Variants in GFRA1 observed in about 807,000 individuals in gnomAD.
The protein encoded by GFRA1 is GDNF family receptor alpha-1.
GFRA1 carries 16 observed loss-of-function variants against 51.6 expected under a neutral mutation model. That is an observed-to-expected ratio of 0.31 (90% CI 0.21 to 0.47). The LOEUF (loss-of-function observed/expected upper bound fraction) is 0.47, where lower values mean the gene tolerates loss of function less well. GFRA1 is among the 20% of genes least tolerant of loss of function. The pLI is 1.00. For missense variants in GFRA1, 530 were observed against 594.3 expected, an observed-to-expected ratio of 0.89 and a Z score of 1.13; for synonymous variants, 270 against 241.3, an observed-to-expected ratio of 1.12 and a Z score of -1.10.
At chr10:116,130,571 GGAAAA>G (rs1298130075) in intron 5 of GFRA1, among the ~76,000 whole-genome samples, 8 of 152,138 alleles carry the variant, frequency 5.3e-5, no homozygotes, top group African/African-American at 1.7e-4. Context: ...ATTGAACAAT[GGAAAA>G]GAAGAGAGAA....
At chr10:116,122,500 G>T (rs1013583518) in intron 6 of GFRA1, among the ~76,000 whole-genome samples, 1 of 152,052 alleles carries the variant, frequency 6.6e-6, no homozygotes, top group South Asian at 2.1e-4. Context: ...TTATCTGCAG[G>T]TTCCTCCCAT....
upstream of GFRA1, chr10:116,273,527 C>A (rs1419258244): frequency 3.3e-5 from 5 of 152,786 alleles, no homozygotes; most frequent in African/African-American, 1.2e-4. Context: ...CCTAAGCTCG[C>A]CCGCCAGGCA....
At position 116,185,470 on chromosome 10, in the gene GFRA1, C is replaced by T. The variant is rs140523680; in HGVS notation, c.433+26161G>A. On this transcript the variant is annotated intron_variant, in intron 5 of 10. Transcript: ENST00000355422. Reference sequence around the variant, plus strand: ...GCGTGTTGCTGCTCAGAGCCTGCACCTGTGGCCCTCAAAGGAGCACCCCTG... The same window carrying T: ...GCGTGTTGCTGCTCAGAGCCTGCACTTGTGGCCCTCAAAGGAGCACCCCTG... Among the ~76,000 whole-genome samples the T allele has an allele frequency of 2.8e-4, 42 of 152,320 alleles. No homozygotes were observed. In the East Asian group the frequency reaches 8.1e-3, roughly 29 times the overall value.
intron 5 of GFRA1, among the ~76,000 whole-genome samples, chr10:116,156,510 C>T (rs941221759): frequency 1.3e-5 from 2 of 152,176 alleles, no homozygotes; most frequent in African/African-American, 2.4e-5. Flanking sequence ...CAACATGGCC[C>T]ATGCAATGTG....
intron 5 of GFRA1, among the ~76,000 whole-genome samples, chr10:116,151,083 C>T (rs1424379458): frequency 6.6e-6 from 1 of 151,832 alleles, no homozygotes; most frequent in Non-Finnish European, 1.5e-5. Context: ...TCTGACTAAA[C>T]TGGGCTCACC....
rs1555158856 is a variant in GFRA1, at chr10:116,148,093, C to CATGG, written c.434-22537_434-22536insCCAT. Reference sequence around the variant, plus strand: ...GTGTGTGCATGTGTGTGTGTGCATGCGTGTGTGCATGCATGGGTGTGTGTG... The same window carrying CATGG: ...GTGTGTGCATGTGTGTGTGTGCATGCATGGGTGTGTGCATGCATGGGTGTGTGTG... On this transcript the variant is annotated intron_variant, in intron 5 of 10. Coordinates refer to ENST00000355422, the MANE Select transcript of GFRA1 (RefSeq NM_005264.8). 4.6e-4 allele frequency among the ~76,000 whole-genome samples: 44 copies of CATGG among 95,372 alleles called. 1 individual carries two copies. The highest frequency in any genetic ancestry group is 1.9e-3 in the African/African-American group (41 of 21,898). The allele number at this position is 95,372 out of a possible 152,430, so 62.6% of individuals were successfully genotyped here. A position where few individuals can be genotyped will look rare whatever the true frequency, so the allele number is the denominator to read the frequency against.
chr10:116,178,961 C>CAGA (rs1172081315), intron 5 of GFRA1, among the ~76,000 whole-genome samples: 7 of 152,216 alleles, frequency 4.6e-5, no homozygotes, highest in Non-Finnish European at 1.0e-4. Context: ...CTGGAGCTCT[C>CAGA]CCCAAGCCAG....
chr10:116,070,799 A>G (rs1220435095), intron 9 of GFRA1, among the ~76,000 whole-genome samples: 2 of 95,724 alleles, frequency 2.1e-5, no homozygotes, highest in Non-Finnish European at 1.9e-5. Context: ...GATTTTGCCT[A>G]TTGACATCTG....
intron 5 of GFRA1, among the ~76,000 whole-genome samples, chr10:116,143,045 C>G (rs1049233882): frequency 2.0e-5 from 3 of 152,158 alleles, no homozygotes; most frequent in African/African-American, 7.2e-5. Flanking sequence ...TGAAAACACT[C>G]CATATTTTGG....
At chr10:116,129,489 AG>A (rs1175344030) in intron 5 of GFRA1, among the ~76,000 whole-genome samples, 1 of 152,182 alleles carries the variant, frequency 6.6e-6, no homozygotes, top group Non-Finnish European at 1.5e-5. Flanking sequence ...GATAGAAAAA[AG>A]TTCAGCAAAT....
Position 116,093,881 on chromosome 10 carries a change from T to C in GFRA1, c.881-45A>G, listed in dbSNP as rs780739949. On this transcript the variant is annotated intron_variant, in intron 7 of 10. Coordinates refer to ENST00000355422, the MANE Select transcript of GFRA1 (RefSeq NM_005264.8). Reference sequence around the variant, plus strand: ...GCATTTTATTGTTGTATGATGATACTTTTCCATGGCCTAAAAAGAAACCAA... The same window carrying C: ...GCATTTTATTGTTGTATGATGATACCTTTCCATGGCCTAAAAAGAAACCAA... 3.8e-6 allele frequency: 6 copies of C among 1,599,072 alleles called. No homozygotes were observed. In the South Asian group the frequency reaches 6.6e-5, roughly 18 times the overall value.
intron 4 of GFRA1, among the ~76,000 whole-genome samples, chr10:116,245,720 G>A (rs1967810519): frequency 6.6e-6 from 1 of 152,048 alleles, no homozygotes; most frequent in Admixed American, 6.6e-5. Flanking sequence ...AACAAAGTGT[G>A]GTCCATCCAT....
intron 9 of GFRA1, among the ~76,000 whole-genome samples, chr10:116,087,471 T>C (rs1353414375): frequency 6.6e-6 from 1 of 152,216 alleles, no homozygotes; most frequent in Non-Finnish European, 1.5e-5. Context: ...ACTTTTGTTT[T>C]TGAATGCCCA....
At chr10:116,189,459 CTT>C (rs1263641105) in intron 5 of GFRA1, among the ~76,000 whole-genome samples, 1 of 152,138 alleles carries the variant, frequency 6.6e-6, no homozygotes, top group Non-Finnish European at 1.5e-5. Flanking sequence ...CTTCTTCCCT[CTT>C]TTTTTGATTC....
intron 8 of GFRA1, among the ~76,000 whole-genome samples, chr10:116,090,577 T>C (rs903589084): frequency 1.3e-5 from 2 of 152,122 alleles, no homozygotes; most frequent in African/African-American, 4.8e-5. Flanking sequence ...AAATGAAAAG[T>C]TTAAAATGTA....
At position 116,186,962 on chromosome 10, in the gene GFRA1, AG is replaced by A. The variant is rs3837367; in HGVS notation, c.433+24668del. The stretch of plus-strand genomic sequence containing the variant: ...AAACTGGAAGGCGACCTGCTCACAC[AG>A]GGTCACGTCTCGGTCCCTTTTTCAA... On this transcript the variant is annotated intron_variant, in intron 5 of 10. Transcript: ENST00000355422. Among the ~76,000 whole-genome samples, 40 of 152,230 alleles carry A rather than the reference AG, an allele frequency of 2.6e-4. 1 individual carries two copies. In the East Asian group the frequency reaches 7.4e-3, roughly 28 times the overall value.
chr10:116,154,144 T>C (rs958866794), intron 5 of GFRA1, among the ~76,000 whole-genome samples: 12 of 152,084 alleles, frequency 7.9e-5, no homozygotes, highest in African/African-American at 2.9e-4. Context: ...GGAGTGCCAA[T>C]TGGTAGGACC....
At chr10:116,096,822 C>A in intron 6 of GFRA1, 58 bp from the exon 7 acceptor site, 1 of 893,900 alleles carries the variant, frequency 1.1e-6, no homozygotes, top group Non-Finnish European at 1.8e-6. Flanking sequence ...TCCTAAGCCT[C>A]CGGACAGACA....
intron 6 of GFRA1, among the ~76,000 whole-genome samples, chr10:116,121,942 A>T (rs1957663516): frequency 6.6e-6 from 1 of 152,148 alleles, no homozygotes; most frequent in African/African-American, 2.4e-5. Context: ...AGAGTAATAA[A>T]ATCTGATGGA....
Sources: gnomAD v4.1 joint callset for allele counts (sites outside exome capture counted in the v4.1 genomes callset) on GRCh38, gnomAD v4.1.1 for gene constraint, MANE v1.5 for transcripts, NCBI Gene and HGNC (gene_info 2026-07-23, HGNC 2026-07-21) for gene names.